Variants in PAPLN observed in about 807,000 individuals in gnomAD.
PAPLN encodes the protein papilin.
Under a neutral mutation model 159.0 loss-of-function variants are expected in PAPLN, and 146 were observed. The ratio of observed to expected loss-of-function variants is 0.92; its 90% CI spans 0.80 to 1.05. PAPLN has a LOEUF of 1.05. Ranked by LOEUF, PAPLN falls within the 50% of genes least tolerant of loss-of-function variation. The pLI is 0.00. For synonymous variants in PAPLN, 734 were observed against 702.9 expected (o/e 1.04, Z -0.70); for missense variants, 1,720 against 1,743.9 (o/e 0.99, Z 0.24).
At position 73,261,392 on chromosome 14, in the gene PAPLN, A is replaced by G. The variant is rs1351269315; in HGVS notation, c.2245+98A>G. 39 of 1,462,952 alleles carry G rather than the reference A, an allele frequency of 2.7e-5. 1 individual carries two copies. In the South Asian group the frequency reaches 5.2e-4, roughly 19 times the overall value. 90.6% of individuals were successfully genotyped at this position (1,462,952 alleles called of 1,614,324 possible). ...GGACCAAAGACCTTCCTACCAGCTC[A>G]GTTATTCATTCATTCCTACCACAAA... On this transcript the variant is annotated intron_variant, in intron 18 of 26. Transcript: ENST00000644200.
rs755894801 is a variant in PAPLN, at chr14:73,261,273, T to A, written c.2224T>A (p.Cys742Ser). ...TGCAGCCGGTCCTCTTGGGGAAGGC[T>A]GTGTGGGCCAGCCCAGCCATGGTGA... The part of the protein sequence containing the change: ...ATAAGPLGEG[C>S]VGQPSHAYPV... Residue 742 changes from cysteine to serine, a missense_variant, in exon 18 of 27, where the codon TGT becomes AGT. Physicochemically the swap from Cys to Ser is moderately radical, Grantham distance 112 (BLOSUM62 -1). Coordinates refer to ENST00000644200, the MANE Select transcript of PAPLN (RefSeq NM_001365906.3). The A allele has an allele frequency of 6.2e-7, 1 of 1,613,724 alleles. No homozygotes were observed. The highest frequency in any genetic ancestry group is 1.1e-5 in the South Asian group (1 of 91,074).
rs772923397 is a variant in PAPLN at position 73,254,640 on chromosome 14, A to C, written c.1430A>C (p.His477Pro). The change falls in exon 13 of 27, where the codon CAT becomes CCT. Residue 477 changes from histidine (H) to proline (P), a missense_variant. His to Pro is a moderately conservative substitution (Grantham distance 77). Transcript: ENST00000644200. ...DRPPLTEPCV[H>P]EDCPLLSDQA... The stretch of plus-strand genomic sequence containing the variant: ...CCACCTCTGACTGAGCCCTGTGTGC[A>C]TGAGGACTGCCCCCTCCTCAGTGAC... 1.9e-6 allele frequency: 3 copies of C among 1,614,026 alleles called. No homozygotes were observed. The highest frequency in any genetic ancestry group is 2.2e-5 in the South Asian group (2 of 91,080).
At position 73,252,764 on chromosome 14, in the gene PAPLN, G is replaced by A. The variant is rs142604802; in HGVS notation, c.1083G>A (p.Pro361=). 6.4e-5 allele frequency: 104 copies of A among 1,613,420 alleles called. No homozygotes were observed. In the African/African-American group the frequency reaches 8.5e-4, roughly 13 times the overall value. ...GTTCCTGCAATCTTCACCCTTGCCC[G>A]GAGACCAAGCGGTGAGACCTTGCCA... ...DRRSCNLHPC[P]ETKRWKAGPW... The change falls in exon 11 of 27, where the codon CCG becomes CCA. Residue 361 remains proline, a synonymous_variant. Transcript: ENST00000644200.
intron 2 of PAPLN, chr14:73,243,240 T>C: frequency 6.6e-6 from 1 of 152,408 alleles, no homozygotes; most frequent in Non-Finnish European, 1.5e-5. Flanking sequence ...GTGATCTGCC[T>C]GCCTTGGCCT....
intron 9 of PAPLN, 69 bp from the exon 10 acceptor site, chr14:73,251,949 C>T: frequency 6.4e-7 from 1 of 1,555,326 alleles, no homozygotes; most frequent in Non-Finnish European, 8.7e-7. Flanking sequence ...TGGCAGGGGG[C>T]TGTGAGGCTG....
chr14:73,258,246 T>C (rs1321199822), intron 14 of PAPLN, among the ~76,000 whole-genome samples: 4 of 152,184 alleles, frequency 2.6e-5, no homozygotes, highest in Non-Finnish European at 5.9e-5. Flanking sequence ...CAGGACCTCA[T>C]TGTGGTTTTG....
At chr14:73,250,219 GT>G in intron 6 of PAPLN, 105 bp downstream of exon 6, 2 of 1,397,576 alleles carry the variant, frequency 1.4e-6, no homozygotes, top group Non-Finnish European at 1.9e-6. Context: ...CATGAGCTTG[GT>G]GTCTTCTCAA....
At chr14:73,253,091 C>T (rs1885483197) in intron 11 of PAPLN, 3 of 1,394,360 alleles carry the variant, frequency 2.2e-6, no homozygotes, top group Admixed American at 1.9e-5. Flanking sequence ...TTGGCAGATG[C>T]CAAGGGGTGG....
intron 15 of PAPLN, 64 bp from the exon 16 acceptor site, chr14:73,259,205 T>A: frequency 6.6e-7 from 1 of 1,525,378 alleles, no homozygotes; most frequent in Non-Finnish European, 8.8e-7. Context: ...GGGTCCAACG[T>A]GGACAGGGGT....
Position 73,274,460 on chromosome 14 carries a change from G to A in PAPLN, c.*1796G>A, listed in dbSNP as rs1469098248. The A allele has an allele frequency of 6.6e-6, 1 of 152,212 alleles. No homozygotes were observed. Among genetic ancestry groups the A allele is most frequent in the East Asian group, 1.9e-4 (1 of 5,198 alleles). 9.4% of individuals were successfully genotyped at this position (152,212 alleles called of 1,614,324 possible). A position where few individuals can be genotyped will look rare whatever the true frequency, so the allele number is the denominator to read the frequency against. On this transcript the variant is annotated 3_prime_UTR_variant, in exon 27 of 27. Transcript: ENST00000644200. ...GGAAAAGGGACAAACCACATCACGGGTGAGTGATACTTCTCAGTCTTCTCT... is the reference window on the plus strand; with the variant it reads ...GGAAAAGGGACAAACCACATCACGGATGAGTGATACTTCTCAGTCTTCTCT...
At chr14:73,253,637 A>G (rs1885558994) in intron 11 of PAPLN, 117 bp from the exon 12 acceptor site, 1 of 933,278 alleles carries the variant, frequency 1.1e-6, no homozygotes, top group Non-Finnish European at 1.6e-6. Context: ...GGAGGCTCAG[A>G]GGATGGGCTG....
intron 25 of PAPLN, 106 bp downstream of exon 25, chr14:73,266,937 C>T (rs767657589): frequency 5.8e-5 from 65 of 1,123,608 alleles, no homozygotes; most frequent in African/African-American, 1.4e-4. Context: ...GCTTCCATTC[C>T]GGCTTCCAGG....
At position 73,272,782 on chromosome 14, in the gene PAPLN, T is replaced by A; in HGVS notation, c.*118T>A. 1.7e-6 allele frequency: 2 copies of A among 1,183,162 alleles called. No homozygotes were observed. The highest frequency in any genetic ancestry group is 2.2e-6 in the Non-Finnish European group (2 of 898,892). 73.3% of individuals were successfully genotyped at this position (1,183,162 alleles called of 1,614,324 possible). Reference sequence around the variant, plus strand: ...AAGGGAGTTATCTTCTGGAATACATTAGCTCTTTCAAAAACCCACCCAGTG... The same window carrying A: ...AAGGGAGTTATCTTCTGGAATACATAAGCTCTTTCAAAAACCCACCCAGTG... On this transcript the variant is annotated 3_prime_UTR_variant, in exon 27 of 27. Coordinates refer to ENST00000644200, the MANE Select transcript of PAPLN (RefSeq NM_001365906.3).
At chr14:73,255,443 T>TG (rs1165277785) in intron 14 of PAPLN, among the ~76,000 whole-genome samples, 1 of 152,190 alleles carries the variant, frequency 6.6e-6, no homozygotes, top group Non-Finnish European at 1.5e-5. Context: ...GAATGTCTGT[T>TG]GAATGACTGA....
rs1261914751 is a variant in PAPLN at position 73,246,193 on chromosome 14, T to G, written c.334+18T>G. On this transcript the variant is annotated intron_variant, in intron 5 of 26. Transcript: ENST00000644200. Reference sequence around the variant, plus strand: ...CTACAGCGGTGAGCGCGGCCGGGACTCGCTCTCTCGGGGCCTCTTGTATAC... The same window carrying G: ...CTACAGCGGTGAGCGCGGCCGGGACGCGCTCTCTCGGGGCCTCTTGTATAC... The G allele has an allele frequency of 2.6e-6, 4 of 1,557,464 alleles. No individual in the cohort carries two copies. Among genetic ancestry groups the G allele is most frequent in the Non-Finnish European group, 3.5e-6 (4 of 1,156,890 alleles).
intron 5 of PAPLN, among the ~76,000 whole-genome samples, chr14:73,247,889 CGTGTGTGTGTGTGTGTGTGT>C (rs71112721): frequency 2.0e-4 from 4 of 19,834 alleles, no homozygotes; most frequent in Non-Finnish European, 3.1e-4. Context: ...TCATATCCTC[CGTGTGTGTGTGTGTGTGTGT>C]GTGTGTGTGT....
intron 1 of PAPLN, among the ~76,000 whole-genome samples, chr14:73,239,124 C>CA (rs1210632226): frequency 6.6e-6 from 1 of 152,128 alleles, no homozygotes; most frequent in African/African-American, 2.4e-5. Context: ...ACACACTGCA[C>CA]TGCACACTGC....
At chr14:73,251,245 A>G (rs73305096) in intron 7 of PAPLN, among the ~76,000 whole-genome samples, 3,771 of 152,124 alleles carry the variant, frequency 0.025, 151 homozygotes, top group African/African-American at 0.083. Flanking sequence ...CACCGCCTGG[A>G]TGCCCTCCCC....
chr14:73,261,829 A>C (rs1330129510), intron 18 of PAPLN, among the ~76,000 whole-genome samples: 1 of 152,066 alleles, frequency 6.6e-6, no homozygotes, highest in Admixed American at 6.5e-5. Flanking sequence ...CTAAATGTGG[A>C]GAGATGGGTC....
Sources: gnomAD v4.1 joint callset for allele counts (sites outside exome capture counted in the v4.1 genomes callset) on GRCh38, gnomAD v4.1.1 for gene constraint, MANE v1.5 for transcripts, NCBI Gene and HGNC (gene_info 2026-07-23, HGNC 2026-07-21) for gene names.